The following RUNX2 variants were observed in gnomAD, a reference collection of about 807,000 sequenced individuals.
RUNX2 encodes RUNX family transcription factor 2.
Under a neutral mutation model 51.7 loss-of-function variants are expected in RUNX2, and 10 were observed. That is an observed-to-expected ratio of 0.19 (90% CI 0.12 to 0.33). RUNX2 has a LOEUF of 0.33. RUNX2 is among the 10% of genes least tolerant of loss of function. The pLI is 1.00. For synonymous variants in RUNX2, 276 were observed against 273.6 expected (o/e 1.01, Z -0.09); for missense variants, 562 against 691.3 (o/e 0.81, Z 2.10).
chr6:45,483,738 G>A (rs1306126949), intron 5 of RUNX2, among the ~76,000 whole-genome samples: 1 of 152,202 alleles, frequency 6.6e-6, no homozygotes, highest in Non-Finnish European at 1.5e-5. Flanking sequence ...AGAACAATGT[G>A]ATGACCAAGT....
intron 7 of RUNX2, among the ~76,000 whole-genome samples, chr6:45,529,637 G>T (rs1250410015): frequency 6.6e-6 from 1 of 152,048 alleles, no homozygotes; most frequent in Non-Finnish European, 1.5e-5. Context: ...CTTTCATTTA[G>T]AAGGGTATAG....
chr6:45,339,172 G>A (rs570876739), intron 2 of RUNX2, among the ~76,000 whole-genome samples: 1 of 152,018 alleles, frequency 6.6e-6, no homozygotes, highest in Non-Finnish European at 1.5e-5. Context: ...TAAGAAAAAA[G>A]GGATTGAAAG....
chr6:45,405,723 G>T (rs550432049), intron 2 of RUNX2, among the ~76,000 whole-genome samples: 5 of 151,996 alleles, frequency 3.3e-5, no homozygotes, highest in Non-Finnish European at 7.4e-5. Flanking sequence ...GGAGGCAGAG[G>T]TTGCAGTGAG....
In RUNX2 at chr6:45,549,382, G is replaced by A. The variant is rs747904805; in HGVS notation, c.*2077G>A. 1.0e-4 allele frequency: 41 copies of A among 398,574 alleles called. No individual in the cohort carries two copies. The highest frequency in any genetic ancestry group is 1.4e-4 in the Non-Finnish European group (32 of 226,062). 24.7% of individuals were successfully genotyped at this position (398,574 alleles called of 1,614,324 possible). A position where few individuals can be genotyped will look rare whatever the true frequency, so the allele number is the denominator to read the frequency against. On this transcript the variant is annotated 3_prime_UTR_variant, in exon 9 of 9. Coordinates refer to ENST00000647337, the MANE Select transcript of RUNX2 (RefSeq NM_001024630.4). ...TGGGGCAGCTGGACCTGTGCTTCCT[G>A]CCTGGGAGTCTCCCTTGGAATTCAT...
At chr6:45,492,173 T>C (rs1800501392) in intron 6 of RUNX2, 59 bp downstream of exon 6, 1 of 1,552,142 alleles carries the variant, frequency 6.4e-7, no homozygotes. Flanking sequence ...GGTGAGGGGC[T>C]ACCAGAGGAG....
chr6:45,477,834 C>G (rs1050503547), intron 5 of RUNX2, among the ~76,000 whole-genome samples: 4 of 152,222 alleles, frequency 2.6e-5, no homozygotes, highest in African/African-American at 9.6e-5. Context: ...ATGGCACACC[C>G]TTGCTTAAAA....
intron 2 of RUNX2, among the ~76,000 whole-genome samples, chr6:45,415,928 A>T: frequency 6.6e-6 from 1 of 152,248 alleles, no homozygotes; most frequent in Non-Finnish European, 1.5e-5. Context: ...TAGGAATATG[A>T]GTCAGGAAAA....
intron 5 of RUNX2, among the ~76,000 whole-genome samples, chr6:45,441,392 C>G (rs1433763158): frequency 6.6e-6 from 1 of 152,164 alleles, no homozygotes; most frequent in Non-Finnish European, 1.5e-5. Flanking sequence ...TGTATGGAGG[C>G]AGGCAAGTTA....
intron 7 of RUNX2, among the ~76,000 whole-genome samples, chr6:45,522,392 A>T (rs1801532971): frequency 6.6e-6 from 1 of 152,216 alleles, no homozygotes; most frequent in Non-Finnish European, 1.5e-5. Flanking sequence ...TATTATAATA[A>T]TTCACATCCG....
chr6:45,352,749 G>T (rs187668581), intron 2 of RUNX2, among the ~76,000 whole-genome samples: 34 of 147,968 alleles, frequency 2.3e-4, no homozygotes, highest in African/African-American at 8.1e-4. Flanking sequence ...TGATCACTTA[G>T]ATCATGTATT....
chr6:45,437,866 AT>A, intron 4 of RUNX2, 80 bp from the exon 5 acceptor site: 1 of 1,035,888 alleles, frequency 9.7e-7, no homozygotes, highest in South Asian at 1.3e-5. Context: ...CTTAAATGCA[AT>A]TTGGAAATCT....
chr6:45,396,890 T>C (rs539381612), intron 2 of RUNX2, among the ~76,000 whole-genome samples: 2 of 152,322 alleles, frequency 1.3e-5, no homozygotes, highest in East Asian at 3.9e-4. Flanking sequence ...TACAGTATAT[T>C]TTATTTATCC....
rs555781683 is a variant in RUNX2, at chr6:45,407,294, C to A, written c.59-15299C>A. On this transcript the variant is annotated intron_variant, in intron 2 of 8. Coordinates refer to ENST00000647337, the MANE Select transcript of RUNX2 (RefSeq NM_001024630.4). The stretch of plus-strand genomic sequence containing the variant: ...CGAACTCCTGAGCTCAGGTGATCCA[C>A]CTGCCTCGGTCTCCCAAACTGCTGG... 1.8e-3 allele frequency among the ~76,000 whole-genome samples: 267 copies of A among 152,190 alleles called. 2 individuals are homozygous for A. Among genetic ancestry groups the A allele is most frequent in the African/African-American group, 6.0e-3 (251 of 41,510 alleles).
At chr6:45,497,675 T>C (rs889378942) in intron 6 of RUNX2, among the ~76,000 whole-genome samples, 4 of 152,130 alleles carry the variant, frequency 2.6e-5, no homozygotes, top group Admixed American at 6.5e-5. Context: ...CTTGATTATA[T>C]CTTGTTCCAT....
At chr6:45,377,090 G>C (rs1212143587) in intron 2 of RUNX2, among the ~76,000 whole-genome samples, 1 of 142,286 alleles carries the variant, frequency 7.0e-6, no homozygotes, top group East Asian at 1.9e-4. Flanking sequence ...GATTCTCTGA[G>C]AAAATAAGGT....
chr6:45,339,358 T>C (rs897923644), intron 2 of RUNX2, among the ~76,000 whole-genome samples: 5 of 152,164 alleles, frequency 3.3e-5, no homozygotes, highest in African/African-American at 1.2e-4. Flanking sequence ...TTAGCCAAGA[T>C]TGTGAGCCAA....
In RUNX2 at chr6:45,500,401, T is replaced by C. The variant is rs563252571; in HGVS notation, c.859+8287T>C. ...CTCTTTAGGGCTTTGTTTATTGTAATAAAGACTTGCTTTTTAATGGCTTAA... is the reference window on the plus strand; with the variant it reads ...CTCTTTAGGGCTTTGTTTATTGTAACAAAGACTTGCTTTTTAATGGCTTAA... On this transcript the variant is annotated intron_variant, in intron 6 of 8. Coordinates refer to ENST00000647337, the MANE Select transcript of RUNX2 (RefSeq NM_001024630.4). Among the ~76,000 whole-genome samples, 3 of 152,358 alleles carry C rather than the reference T, an allele frequency of 2.0e-5. No homozygotes were observed. The South Asian group carries it at 6.2e-4, about 32-fold the overall frequency.
chr6:45,522,418 C>G (rs1801533579), intron 7 of RUNX2, among the ~76,000 whole-genome samples: 1 of 151,604 alleles, frequency 6.6e-6, no homozygotes, highest in South Asian at 2.1e-4. Context: ...AACTTAAAGC[C>G]ATCTGCATTA....
intron 2 of RUNX2, among the ~76,000 whole-genome samples, chr6:45,403,339 T>A (rs1247257709): frequency 1.3e-5 from 2 of 149,270 alleles, no homozygotes; most frequent in Non-Finnish European, 3.0e-5. Context: ...GTTCAAGCAA[T>A]TCTCCTGCCT....
Sources: allele counts gnomAD v4.1 joint callset (sites outside exome capture counted in the v4.1 genomes callset), GRCh38; gene constraint gnomAD v4.1.1; transcripts MANE v1.5; gene names NCBI Gene and HGNC (gene_info 2026-07-23, HGNC 2026-07-21).